Variants in KIF5C observed in about 807,000 individuals in gnomAD.
KIF5C encodes the protein kinesin family member 5C.
KIF5C carries 18 observed loss-of-function variants against 125.2 expected under a neutral mutation model. That is an observed-to-expected ratio of 0.14 (90% CI 0.10 to 0.21). The LOEUF (loss-of-function observed/expected upper bound fraction) is 0.21, where lower values mean the gene tolerates loss of function less well. Ranked by LOEUF, KIF5C falls within the 10% of genes least tolerant of loss-of-function variation. The pLI, the probability that KIF5C is intolerant of heterozygous loss-of-function variation, is 1.00. For missense variants in KIF5C, 780 were observed against 1,183.8 expected (o/e 0.66, Z 5.01); for synonymous variants, 405 against 434.0 (o/e 0.93, Z 0.83).
chr2:149,022,345 C>T (rs7607067), intron 25 of KIF5C, among the ~76,000 whole-genome samples: 1 of 152,016 alleles, frequency 6.6e-6, no homozygotes, highest in Admixed American at 6.5e-5. Context: ...ATCAGGAAAT[C>T]GGAGGTTGTG....
chr2:149,021,895 CAG>C (rs1230447668), intron 25 of KIF5C, among the ~76,000 whole-genome samples: 8 of 152,048 alleles, frequency 5.3e-5, no homozygotes, highest in Admixed American at 1.3e-4. Context: ...AGTAAGATCT[CAG>C]AGCTAGGGCC....
chr2:149,011,463 G>A, intron 24 of KIF5C, 107 bp from the exon 25 acceptor site: 2 of 1,449,438 alleles, frequency 1.4e-6, no homozygotes, highest in South Asian at 2.8e-5. Context: ...TGTACTGTTG[G>A]TAAGAATTGT....
At chr2:148,877,178 G>T (rs556481072) in intron 1 of KIF5C, 2 of 152,378 alleles carry the variant, frequency 1.3e-5, no homozygotes, top group African/African-American at 4.8e-5. Flanking sequence ...AGCTCTCCAC[G>T]CTAGAGGAGC....
intron 7 of KIF5C, among the ~76,000 whole-genome samples, chr2:148,944,001 C>T (rs1236253882): frequency 6.6e-6 from 1 of 152,112 alleles, no homozygotes; most frequent in Non-Finnish European, 1.5e-5. Context: ...GTAGTAGCAT[C>T]TCTCATTTAC....
At chr2:148,997,560 C>A (rs1192416594) in intron 18 of KIF5C, 3 of 740,958 alleles carry the variant, frequency 4.0e-6, no homozygotes, top group Non-Finnish European at 6.2e-6. Context: ...GGTTAAGTTG[C>A]GTTAATACCT....
At chr2:148,911,442 T>C (rs1487818976) in intron 1 of KIF5C, among the ~76,000 whole-genome samples, 1 of 152,058 alleles carries the variant, frequency 6.6e-6, no homozygotes, top group African/African-American at 2.4e-5. Context: ...TTGCAGACCA[T>C]CAAAGTGTCT....
chr2:148,891,984 C>T (rs1681720511), intron 1 of KIF5C, among the ~76,000 whole-genome samples: 1 of 152,186 alleles, frequency 6.6e-6, no homozygotes, highest in South Asian at 2.1e-4. Context: ...AGGCATGAGC[C>T]ACTGCATCAT....
At chr2:148,984,776 G>C (rs1681331951) in intron 15 of KIF5C, among the ~76,000 whole-genome samples, 1 of 151,906 alleles carries the variant, frequency 6.6e-6, no homozygotes, top group African/African-American at 2.4e-5. Flanking sequence ...TGGTGCTCTT[G>C]GTTATTTGTT....
intron 3 of KIF5C, among the ~76,000 whole-genome samples, chr2:148,930,700 C>T (rs868505078): frequency 2.1e-4 from 32 of 152,234 alleles, no homozygotes; most frequent in African/African-American, 5.5e-4. Context: ...CTCATTTCTG[C>T]GGTGTTGACT....
chr2:148,989,740 A>T (rs1681476486), intron 15 of KIF5C, among the ~76,000 whole-genome samples: 1 of 152,070 alleles, frequency 6.6e-6, no homozygotes, highest in African/African-American at 2.4e-5. Context: ...ATAATTAATG[A>T]TGTTGAGCCT....
intron 12 of KIF5C, 117 bp downstream of exon 12, chr2:148,973,628 A>G: frequency 7.3e-7 from 1 of 1,373,534 alleles, no homozygotes; most frequent in Non-Finnish European, 9.6e-7. Context: ...TGGTTTCCTA[A>G]TACCTACCCT....
intron 8 of KIF5C, among the ~76,000 whole-genome samples, chr2:148,949,060 C>A (rs974976766): frequency 5.1e-4 from 78 of 152,242 alleles, no homozygotes; most frequent in Admixed American, 3.8e-3. Flanking sequence ...CTTGAGAGAG[C>A]AGCTGCTCCC....
At chr2:148,937,236 G>T in intron 3 of KIF5C, 48 bp from the exon 4 acceptor site, 1 of 1,548,944 alleles carries the variant, frequency 6.5e-7, no homozygotes. Flanking sequence ...TCTCTCATGT[G>T]TCTCCCAGCA....
intron 1 of KIF5C, among the ~76,000 whole-genome samples, chr2:148,892,226 C>T (rs925932783): frequency 6.6e-6 from 1 of 152,172 alleles, no homozygotes; most frequent in Admixed American, 6.5e-5. Flanking sequence ...TTTGAGTGCA[C>T]AGCATTTTCT....
At chr2:148,955,091 C>G (rs893042304) in intron 10 of KIF5C, among the ~76,000 whole-genome samples, 3 of 152,078 alleles carry the variant, frequency 2.0e-5, no homozygotes, top group South Asian at 2.1e-4. Flanking sequence ...TTTCTCCCTC[C>G]TGCCCTCCCT....
chr2:149,003,384 C>T (rs551637273), intron 21 of KIF5C, among the ~76,000 whole-genome samples: 1 of 152,360 alleles, frequency 6.6e-6, no homozygotes, highest in South Asian at 2.1e-4. Context: ...AACTGGCCGT[C>T]GGGGCATCCC....
intron 25 of KIF5C, among the ~76,000 whole-genome samples, chr2:149,015,061 C>T (rs1172886004): frequency 6.6e-6 from 1 of 152,152 alleles, no homozygotes; most frequent in Non-Finnish European, 1.5e-5. Context: ...TAGACATGCA[C>T]ACCTGTAACC....
intron 12 of KIF5C, among the ~76,000 whole-genome samples, chr2:148,974,383 T>C (rs1198890580): frequency 6.6e-6 from 1 of 152,222 alleles, no homozygotes; most frequent in African/African-American, 2.4e-5. Flanking sequence ...ACCTTGCCAT[T>C]AATCTTACAG....
At chr2:148,875,885 C>T (rs1480059811) in intron 1 of KIF5C, 142 bp downstream of exon 1, 11 of 1,218,732 alleles carry the variant, frequency 9.0e-6, no homozygotes, top group Non-Finnish European at 1.2e-5. Context: ...TGACCAGAGA[C>T]CCCTCGCCCC....
Sources: allele counts gnomAD v4.1 joint callset (sites outside exome capture counted in the v4.1 genomes callset), GRCh38; gene constraint gnomAD v4.1.1; transcripts MANE v1.5; gene names NCBI Gene and HGNC (gene_info 2026-07-23, HGNC 2026-07-21).